Variants in PCDHGB1 observed in about 807,000 individuals in gnomAD.
PCDHGB1 encodes the protein protocadherin gamma subfamily B, 1, also known as protocadherin gamma-B1.
PCDHGB1 carries 34 observed loss-of-function variants against 56.6 expected under a neutral mutation model. The observed-to-expected ratio is 0.60, with a 90% CI of 0.46 to 0.80. The LOEUF is 0.80. Ranked by LOEUF, PCDHGB1 falls within the 30% of genes least tolerant of loss-of-function variation. The pLI is 0.00. For synonymous variants in PCDHGB1, 561 were observed against 505.9 expected (o/e 1.11, Z -1.46); for missense variants, 1,278 against 1,204.6 (o/e 1.06, Z -0.90).
chr5:141,407,338 A>G (rs1016766073), intron 1 of PCDHGB1, among the ~76,000 whole-genome samples: 33 of 152,208 alleles, frequency 2.2e-4, no homozygotes, highest in Non-Finnish European at 1.8e-4. Context: ...ATTGAAATGT[A>G]TGTTAATTTG....
chr5:141,481,401 CT>C (rs2099537157), intron 1 of PCDHGB1, among the ~76,000 whole-genome samples: 1 of 152,204 alleles, frequency 6.6e-6, no homozygotes, highest in African/African-American at 2.4e-5. Flanking sequence ...TGACAAAATT[CT>C]TGTATAATTA....
At chr5:141,428,164 T>C (rs1221973020) in intron 1 of PCDHGB1, 1 of 1,564,976 alleles carries the variant, frequency 6.4e-7, no homozygotes, top group South Asian at 1.1e-5. Flanking sequence ...TGCTGGTTGC[T>C]GTGCGTGACG....
intron 1 of PCDHGB1, chr5:141,373,843 C>T (rs1769882527): frequency 2.3e-6 from 1 of 442,614 alleles, no homozygotes; most frequent in Non-Finnish European, 4.0e-6. Flanking sequence ...AGTTAGGACT[C>T]TAAGCGTCGC....
chr5:141,503,773 C>A (rs961986223), intron 2 of PCDHGB1, among the ~76,000 whole-genome samples: 1 of 152,204 alleles, frequency 6.6e-6, no homozygotes. Context: ...TGTGTCTGTT[C>A]TTAGGCTGAG....
Position 141,456,287 on chromosome 5 carries a change from C to A in PCDHGB1, c.2410-38520C>A, listed in dbSNP as rs951430060. On this transcript the variant is annotated intron_variant, in intron 1 of 3. Transcript: ENST00000523390. ...CTGGCTACTTCCTGCTGAAAAGGGGCGTCTAATGGAGAACAGCAGCTAGGG... is the reference window on the plus strand; with the variant it reads ...CTGGCTACTTCCTGCTGAAAAGGGGAGTCTAATGGAGAACAGCAGCTAGGG... Among the ~76,000 whole-genome samples, 11 of 152,166 alleles carry A rather than the reference C, an allele frequency of 7.2e-5. No individual in the cohort carries two copies. In the East Asian group the frequency reaches 1.9e-3, roughly 27 times the overall value.
chr5:141,382,569 T>G (rs72790022), intron 1 of PCDHGB1, among the ~76,000 whole-genome samples: 9,817 of 152,272 alleles, frequency 0.064, 368 homozygotes, highest in African/African-American at 0.1. Flanking sequence ...CAAAGAAATC[T>G]AACAGGGAAA....
Position 141,432,436 on chromosome 5 carries a change from G to A in PCDHGB1, c.2410-62371G>A, listed in dbSNP as rs753833603. On this transcript the variant is annotated intron_variant, in intron 1 of 3. Coordinates refer to ENST00000523390, the MANE Select transcript of PCDHGB1 (RefSeq NM_018922.3). The surrounding 1 kb of genome is among the most constrained non-coding windows in gnomAD (Gnocchi z 6.0). ...TCGTGCTGGACCAGAACGACAATGC[G>A]CCCGAGATCCTGTACCCCGCCCTCC... The A allele has an allele frequency of 4.3e-6, 7 of 1,614,196 alleles. No homozygotes were observed. The highest frequency in any genetic ancestry group is 1.1e-5 in the South Asian group (1 of 91,084).
chr5:141,354,876 A>C (rs1158598326), intron 1 of PCDHGB1: 3 of 369,812 alleles, frequency 8.1e-6, no homozygotes, highest in Non-Finnish European at 1.4e-5. Flanking sequence ...CAGGAATTTG[A>C]CTTTATTATC....
At position 141,511,260 on chromosome 5, in the gene PCDHGB1, G is replaced by A; in HGVS notation, c.*87G>A. 6.4e-7 allele frequency: 1 copy of A among 1,558,596 alleles called. No individual in the cohort carries two copies. Among genetic ancestry groups the A allele is most frequent in the Non-Finnish European group, 8.7e-7 (1 of 1,151,758 alleles). On this transcript the variant is annotated 3_prime_UTR_variant, in exon 4 of 4. Transcript: ENST00000523390. ...CCTGCACCCAGGCCTCAGAGTTTCA[G>A]GGCTAACCCCCAGAATACTGGTAGG...
Position 141,486,319 on chromosome 5 carries a change from C to T in PCDHGB1, c.2410-8488C>T, listed in dbSNP as rs148184642. The T allele has an allele frequency of 1.7e-4, 268 of 1,614,058 alleles. No individual in the cohort carries two copies. The African/African-American group carries it at 1.7e-3, about 10-fold the overall frequency. Reference sequence around the variant, plus strand: ...TGCAGGATCCAGACTCAGGGTCAAACGGAGATGTGAGCCTCCGCATTCCTG... The same window carrying T: ...TGCAGGATCCAGACTCAGGGTCAAATGGAGATGTGAGCCTCCGCATTCCTG... On this transcript the variant is annotated intron_variant, in intron 1 of 3. Transcript: ENST00000523390. The surrounding 1 kb of genome is among the most constrained non-coding windows in gnomAD (Gnocchi z 5.0).
chr5:141,366,779 C>T, intron 1 of PCDHGB1: 2 of 1,585,730 alleles, frequency 1.3e-6, no homozygotes, highest in Non-Finnish European at 1.7e-6. Context: ...GTAAGGATGA[C>T]CAGAACATTT....
chr5:141,375,822 G>T, intron 1 of PCDHGB1: 6 of 1,614,140 alleles, frequency 3.7e-6, no homozygotes, highest in Non-Finnish European at 5.1e-6. Flanking sequence ...CTGGCGCCCC[G>T]CTCCGCAGAG....
chr5:141,435,181 T>C (rs1249878603), intron 1 of PCDHGB1, among the ~76,000 whole-genome samples: 1 of 152,184 alleles, frequency 6.6e-6, no homozygotes, highest in African/African-American at 2.4e-5. Context: ...TTAACTACAC[T>C]TGAGATGGCT....
At chr5:141,502,666 T>C (rs962424461) in intron 2 of PCDHGB1, among the ~76,000 whole-genome samples, 10 of 152,234 alleles carry the variant, frequency 6.6e-5, no homozygotes, top group African/African-American at 2.2e-4. Context: ...CTTCATGCAA[T>C]TTTAGTATTC....
At chr5:141,422,289 T>G in intron 1 of PCDHGB1, 1 of 1,553,678 alleles carries the variant, frequency 6.4e-7, no homozygotes, top group African/African-American at 1.4e-5. Context: ...CCTCTTCTAT[T>G]AATTCAATTC....
chr5:141,413,386 G>A (rs757396075), intron 1 of PCDHGB1: 6 of 1,613,884 alleles, frequency 3.7e-6, no homozygotes, highest in African/African-American at 1.3e-5. Context: ...AGTCCGCATA[G>A]TCTCCAGAGG....
rs1594492695 is a variant in PCDHGB1 at position 141,485,536 on chromosome 5, A to G, written c.2410-9271A>G. On this transcript the variant is annotated intron_variant, in intron 1 of 3. Transcript: ENST00000523390. The surrounding 1 kb of genome is among the most constrained non-coding windows in gnomAD (Gnocchi z 5.7). ...CTTTGGAAATGTACCGAGCAGAGGTAGAGATCGTAGATGTGAATGATCACG... is the reference window on the plus strand; with the variant it reads ...CTTTGGAAATGTACCGAGCAGAGGTGGAGATCGTAGATGTGAATGATCACG... 3 of 1,613,976 alleles carry G rather than the reference A, an allele frequency of 1.9e-6. No homozygotes were observed. The highest frequency in any genetic ancestry group is 2.5e-6 in the Non-Finnish European group (3 of 1,179,946).
intron 1 of PCDHGB1, chr5:141,366,686 G>A (rs200958152): frequency 5.3e-5 from 86 of 1,614,138 alleles, no homozygotes; most frequent in Non-Finnish European, 6.8e-6. Flanking sequence ...AGAGAGCTGT[G>A]AGAAAAGCGA....
intron 1 of PCDHGB1, chr5:141,440,744 A>C (rs2098197850): frequency 6.6e-6 from 1 of 152,194 alleles, no homozygotes; most frequent in Non-Finnish European, 1.5e-5. Context: ...CTGCTTGACT[A>C]GGAAAAGCAG....
Sources: allele counts gnomAD v4.1 joint callset (sites outside exome capture counted in the v4.1 genomes callset), GRCh38; gene constraint gnomAD v4.1.1; non-coding constraint Gnocchi (gnomAD v3.1); transcripts MANE v1.5; gene names NCBI Gene and HGNC (gene_info 2026-07-23, HGNC 2026-07-21).